The following CNTNAP5 variants were observed in gnomAD, a reference collection of about 807,000 sequenced individuals.
CNTNAP5 encodes the protein contactin-associated protein-like 5.
Under a neutral mutation model 150.2 loss-of-function variants are expected in CNTNAP5, and 72 were observed. That is an observed-to-expected ratio of 0.48 (90% CI 0.40 to 0.58). The LOEUF (loss-of-function observed/expected upper bound fraction) is 0.58, where lower values mean the gene tolerates loss of function less well. Ranked by LOEUF, CNTNAP5 falls within the 20% of genes least tolerant of loss-of-function variation. CNTNAP5 has a pLI of 0.00. For missense variants in CNTNAP5, 1,636 were observed against 1,626.2 expected (o/e 1.01, Z -0.10); for synonymous variants, 672 against 619.8 (o/e 1.08, Z -1.25).
At chr2:124,618,294 G>A (rs940095744) in intron 12 of CNTNAP5, among the ~76,000 whole-genome samples, 1 of 152,084 alleles carries the variant, frequency 6.6e-6, no homozygotes, top group African/African-American at 2.4e-5. Flanking sequence ...CAGACTAAGA[G>A]GTAGCAACAA....
At chr2:124,658,054 T>C (rs181405079) in intron 13 of CNTNAP5, among the ~76,000 whole-genome samples, 1 of 152,200 alleles carries the variant, frequency 6.6e-6, no homozygotes. Context: ...CTTAGAATAG[T>C]ACCTGGCACC....
intron 1 of CNTNAP5, among the ~76,000 whole-genome samples, chr2:124,048,458 A>G (rs1681602261): frequency 2.0e-5 from 3 of 152,288 alleles, no homozygotes; most frequent in East Asian, 1.9e-4. Flanking sequence ...GTTTCTCCCA[A>G]GATATTACCT....
chr2:124,900,020 G>A (rs1308454438), intron 21 of CNTNAP5, among the ~76,000 whole-genome samples: 2 of 150,930 alleles, frequency 1.3e-5, no homozygotes, highest in African/African-American at 2.5e-5. Context: ...CTTAAATACA[G>A]TTTGGCATTT....
intron 13 of CNTNAP5, among the ~76,000 whole-genome samples, chr2:124,672,048 C>T (rs1678835085): frequency 6.6e-6 from 1 of 152,170 alleles, no homozygotes; most frequent in South Asian, 2.1e-4. Flanking sequence ...TGGTAGCTTA[C>T]ACAAGAGAAA....
chr2:124,472,289 T>A (rs1451740486), intron 6 of CNTNAP5, among the ~76,000 whole-genome samples: 1 of 152,042 alleles, frequency 6.6e-6, no homozygotes, highest in African/African-American at 2.4e-5. Context: ...CATTCTTATT[T>A]AAAATAAATA....
chr2:124,066,420 A>T (rs1682156670), intron 1 of CNTNAP5, among the ~76,000 whole-genome samples: 1 of 152,134 alleles, frequency 6.6e-6, no homozygotes, highest in Non-Finnish European at 1.5e-5. Flanking sequence ...TCCCCTCTGA[A>T]ACTGTTTTTA....
At chr2:124,874,289 C>T (rs891787528) in intron 21 of CNTNAP5, among the ~76,000 whole-genome samples, 1 of 151,948 alleles carries the variant, frequency 6.6e-6, no homozygotes, top group Non-Finnish European at 1.5e-5. Context: ...AGAGAGAGAG[C>T]ACATATTTAG....
At chr2:124,820,790 C>T (rs892067835) in intron 19 of CNTNAP5, among the ~76,000 whole-genome samples, 1 of 152,254 alleles carries the variant, frequency 6.6e-6, no homozygotes, top group African/African-American at 2.4e-5. Flanking sequence ...TCCCAAATCT[C>T]AGTAGCTTGT....
At chr2:124,514,273 T>C (rs1411499022) in intron 8 of CNTNAP5, among the ~76,000 whole-genome samples, 8 of 152,258 alleles carry the variant, frequency 5.3e-5, no homozygotes, top group Non-Finnish European at 1.2e-4. Flanking sequence ...TAGTGATTTC[T>C]TGGGCGTCTT....
At chr2:124,148,621 A>T (rs116237377) in intron 1 of CNTNAP5, among the ~76,000 whole-genome samples, 2 of 148,554 alleles carry the variant, frequency 1.3e-5, no homozygotes, top group African/African-American at 2.5e-5. Context: ...ATTCAAGGAA[A>T]CTATTGATAA....
chr2:124,796,652 G>T (rs575812984), intron 18 of CNTNAP5, among the ~76,000 whole-genome samples: 47 of 152,270 alleles, frequency 3.1e-4, no homozygotes, highest in African/African-American at 1.1e-3. Context: ...TTTTCACAAG[G>T]TGGAACACAT....
At chr2:124,348,825 T>TTGTGTGTACATGAGTGCATATG (rs1306951040) in intron 3 of CNTNAP5, among the ~76,000 whole-genome samples, 1 of 152,144 alleles carries the variant, frequency 6.6e-6, no homozygotes, top group Admixed American at 6.5e-5. Flanking sequence ...GATATAAACA[T>TTGTGTGTACATGAGTGCATATG]TGTGTGTACA....
At chr2:124,050,909 G>A (rs1320792785) in intron 1 of CNTNAP5, among the ~76,000 whole-genome samples, 1 of 152,144 alleles carries the variant, frequency 6.6e-6, no homozygotes, top group Non-Finnish European at 1.5e-5. Context: ...TTCAAAGTGT[G>A]TTAGTCCTGA....
chr2:124,418,347 G>A (rs1037846932), intron 4 of CNTNAP5, among the ~76,000 whole-genome samples: 2 of 152,148 alleles, frequency 1.3e-5, no homozygotes, highest in Non-Finnish European at 2.9e-5. Context: ...AACTAGTTCA[G>A]TAGATTCCTG....
intron 5 of CNTNAP5, among the ~76,000 whole-genome samples, chr2:124,438,519 A>AAAGTGAGACTC (rs1469285753): frequency 2.0e-5 from 3 of 152,198 alleles, no homozygotes; most frequent in African/African-American, 7.2e-5. Flanking sequence ...CAGCTGTAGC[A>AAAGTGAGACTC]AAGTGAGACT....
chr2:124,169,210 G>A (rs1397149063), intron 1 of CNTNAP5, among the ~76,000 whole-genome samples: 1 of 152,054 alleles, frequency 6.6e-6, no homozygotes, highest in Admixed American at 6.6e-5. Context: ...CCAGAGGGCT[G>A]CTTTTTCTTT....
chr2:124,914,248 A>G lies in CNTNAP5; in HGVS notation c.3884A>G (p.Gln1295Arg), dbSNP rs754768332. The change falls in exon 24 of 24, where the codon CAA (glutamine) becomes CGA (arginine). Residue 1295 changes from glutamine (Q) to arginine (R), a missense_variant. Coordinates refer to ENST00000682447, the MANE Select transcript of CNTNAP5 (RefSeq NM_001367498.1). Reference protein sequence around the residue: ...DSSFRNEIDLQNTVSECKREY... With the variant: ...DSSFRNEIDLRNTVSECKREY... ...TCCTTCAGAAATGAAATTGACTTGC[A>G]AAACACAGTGAGCGAGTGTAAACGG... 6.2e-7 allele frequency: 1 copy of G among 1,612,488 alleles called. No homozygotes were observed. Among genetic ancestry groups the G allele is most frequent in the Non-Finnish European group, 8.5e-7 (1 of 1,178,974 alleles).
intron 21 of CNTNAP5, among the ~76,000 whole-genome samples, chr2:124,901,541 G>A (rs984404448): frequency 2.0e-5 from 3 of 152,156 alleles, no homozygotes; most frequent in African/African-American, 4.8e-5. Flanking sequence ...GCTAGAAAAG[G>A]CAAGGAAATA....
At chr2:124,362,727 C>A (rs764989212) in intron 3 of CNTNAP5, among the ~76,000 whole-genome samples, 1 of 152,180 alleles carries the variant, frequency 6.6e-6, no homozygotes, top group Non-Finnish European at 1.5e-5. Context: ...TCAGATTTGA[C>A]CTTCTTGAGA....
Sources: gnomAD v4.1 joint callset for allele counts (sites outside exome capture counted in the v4.1 genomes callset) on GRCh38, gnomAD v4.1.1 for gene constraint, MANE v1.5 for transcripts, NCBI Gene and HGNC (gene_info 2026-07-23, HGNC 2026-07-21) for gene names.